The following RHOBTB1 variants were observed in gnomAD, a reference collection of about 807,000 sequenced individuals.
RHOBTB1 encodes the protein rho-related BTB domain-containing protein 1.
Under a neutral mutation model 71.6 loss-of-function variants are expected in RHOBTB1, and 40 were observed. The ratio of observed to expected loss-of-function variants is 0.56; its 90% CI spans 0.43 to 0.73. The LOEUF (loss-of-function observed/expected upper bound fraction) is 0.73, where lower values mean the gene tolerates loss of function less well. RHOBTB1 is among the 30% of genes least tolerant of loss of function. The pLI is 0.00. For synonymous variants in RHOBTB1, 319 were observed against 334.9 expected, an observed-to-expected ratio of 0.95 and a Z score of 0.52; for missense variants, 797 against 894.0, an observed-to-expected ratio of 0.89 and a Z score of 1.38.
chr10:60,940,128 G>A (rs751824610), intron 2 of RHOBTB1, among the ~76,000 whole-genome samples: 1 of 152,150 alleles, frequency 6.6e-6, no homozygotes, highest in Non-Finnish European at 1.5e-5. Context: ...CAGGACAGAC[G>A]TGTTATAGGA....
rs192700844 is a variant in RHOBTB1 at position 60,878,532 on chromosome 10, G to A, written c.1576-474C>T. Among the ~76,000 whole-genome samples the A allele has an allele frequency of 2.4e-4, 36 of 152,298 alleles. No individual in the cohort carries two copies. The East Asian group carries it at 3.1e-3, about 13-fold the overall frequency. On this transcript the variant is annotated intron_variant, in intron 7 of 10. Transcript: ENST00000337910. ...CTGCCACAGTGACCAGCTTGATTTCGAAATTCTGTCAGTATATGCACAATA... is the reference window on the plus strand; with the variant it reads ...CTGCCACAGTGACCAGCTTGATTTCAAAATTCTGTCAGTATATGCACAATA...
intron 7 of RHOBTB1, among the ~76,000 whole-genome samples, chr10:60,879,131 C>T (rs575026664): frequency 3.3e-5 from 5 of 152,120 alleles, no homozygotes; most frequent in Non-Finnish European, 5.9e-5. Flanking sequence ...AATCTTGTGT[C>T]CAAGGTCACA....
rs763183117 is a variant in RHOBTB1, at chr10:60,892,941, A to G, written c.351T>C (p.His117=). The G allele has an allele frequency of 1.2e-5, 20 of 1,613,966 alleles. No homozygotes were observed. In the South Asian group the frequency reaches 1.6e-4, roughly 13 times the overall value. The change falls in exon 5 of 11, where the codon CAT becomes CAC. Residue 117 remains histidine (H), a synonymous_variant. Transcript: ENST00000337910. ...FSIANPNSLN[H]VKSMWYPEIK... ...TTTCTGGATACCACATGCTTTTCAC[A>G]TGATTTAGGGAATTGGGATTAGCAA... is the stretch of plus-strand genomic sequence containing the variant.
At chr10:60,874,764 T>A (rs1194048526) in intron 9 of RHOBTB1, among the ~76,000 whole-genome samples, 190 bp downstream of exon 9, 1 of 152,146 alleles carries the variant, frequency 6.6e-6, no homozygotes, top group Non-Finnish European at 1.5e-5. Flanking sequence ...TTTTGTTTAT[T>A]CAAATGAAGC....
intron 2 of RHOBTB1, among the ~76,000 whole-genome samples, chr10:60,959,936 CAATA>C (rs1257800419): frequency 6.6e-6 from 1 of 152,066 alleles, no homozygotes; most frequent in Admixed American, 6.6e-5. Context: ...ATTAAACACA[CAATA>C]AAGGCAGATG....
intron 4 of RHOBTB1, among the ~76,000 whole-genome samples, chr10:60,898,121 ATTAC>A (rs2082247648): frequency 6.6e-6 from 1 of 152,076 alleles, no homozygotes; most frequent in Admixed American, 6.5e-5. Flanking sequence ...ATTGACTATT[ATTAC>A]TTATTTTTTT....
chr10:60,884,319 A>C (rs2081466498), intron 7 of RHOBTB1, among the ~76,000 whole-genome samples: 1 of 152,202 alleles, frequency 6.6e-6, no homozygotes, highest in South Asian at 2.1e-4. Flanking sequence ...CATTTCTTTG[A>C]AAAGTTTGGA....
At chr10:60,877,640 G>A (rs549708723) in intron 8 of RHOBTB1, among the ~76,000 whole-genome samples, 62 of 152,246 alleles carry the variant, frequency 4.1e-4, no homozygotes, top group Non-Finnish European at 6.9e-4. Context: ...TGCATACAGC[G>A]TGTGCCTCAA....
chr10:60,897,714 A>G (rs961827238), intron 4 of RHOBTB1, among the ~76,000 whole-genome samples: 18 of 150,080 alleles, frequency 1.2e-4, no homozygotes, highest in Non-Finnish European at 2.5e-4. Flanking sequence ...TATACATATA[A>G]TTTTTTTTTT....
intron 1 of RHOBTB1, chr10:60,986,085 C>T (rs895772865): frequency 6.6e-6 from 1 of 152,082 alleles, no homozygotes; most frequent in Non-Finnish European, 1.5e-5. Flanking sequence ...ATTTACAAGT[C>T]TCCTAGCTGC....
intron 4 of RHOBTB1, among the ~76,000 whole-genome samples, chr10:60,901,591 T>C (rs1233480827): frequency 6.6e-6 from 1 of 152,214 alleles, no homozygotes; most frequent in Non-Finnish European, 1.5e-5. Flanking sequence ...ACAGTCTCTT[T>C]CTTTTCACCA....
chr10:60,877,076 A>C (rs1037052713), intron 8 of RHOBTB1: 11 of 152,356 alleles, frequency 7.2e-5, no homozygotes, highest in African/African-American at 2.6e-4. Flanking sequence ...CTTGCAACTT[A>C]ACTCCTCTGG....
At chr10:60,954,246 C>T (rs2085510766) in intron 2 of RHOBTB1, among the ~76,000 whole-genome samples, 1 of 152,106 alleles carries the variant, frequency 6.6e-6, no homozygotes, top group Non-Finnish European at 1.5e-5. Context: ...CCAGTTTCCT[C>T]CTCTGTAAAA....
intron 2 of RHOBTB1, among the ~76,000 whole-genome samples, chr10:60,955,970 C>T (rs142544361): frequency 6.6e-6 from 1 of 152,262 alleles, no homozygotes; most frequent in East Asian, 1.9e-4. Context: ...TCACAGTGGG[C>T]CTCATTTGTT....
intron 2 of RHOBTB1, among the ~76,000 whole-genome samples, chr10:60,935,946 C>A (rs1399609551): frequency 1.3e-5 from 2 of 152,136 alleles, no homozygotes; most frequent in Non-Finnish European, 2.9e-5. Flanking sequence ...CAGAAATCAG[C>A]AGCCACTACC....
chr10:60,881,728 G>T (rs1223940547), intron 7 of RHOBTB1, among the ~76,000 whole-genome samples: 2 of 152,156 alleles, frequency 1.3e-5, no homozygotes, highest in East Asian at 3.8e-4. Context: ...TGGCAAGAGT[G>T]TGTTCTAAGT....
chr10:60,878,826 T>G (rs911075105), intron 7 of RHOBTB1, among the ~76,000 whole-genome samples: 1 of 152,158 alleles, frequency 6.6e-6, no homozygotes, highest in African/African-American at 2.4e-5. Flanking sequence ...GGTGGAGAGC[T>G]GTAGAGGTGG....
chr10:60,897,371 A>C (rs1000220246), intron 4 of RHOBTB1, among the ~76,000 whole-genome samples: 3 of 152,240 alleles, frequency 2.0e-5, no homozygotes, highest in African/African-American at 7.2e-5. Context: ...ATTTTCTTCT[A>C]AATTCTTTCC....
At chr10:60,893,833 T>C (rs552190890) in intron 4 of RHOBTB1, among the ~76,000 whole-genome samples, 121 of 152,308 alleles carry the variant, frequency 7.9e-4, no homozygotes, top group African/African-American at 2.7e-3. Context: ...GTTGTCCAAT[T>C]ATGGTGTTTG....
Sources: allele counts gnomAD v4.1 joint callset (sites outside exome capture counted in the v4.1 genomes callset), GRCh38; gene constraint gnomAD v4.1.1; transcripts MANE v1.5; gene names NCBI Gene and HGNC (gene_info 2026-07-23, HGNC 2026-07-21).